Variants in PRR16 observed in about 807,000 individuals in gnomAD.
PRR16 encodes proline rich 16, also known as protein Largen.
A neutral mutation model predicts 18.2 loss-of-function variants in PRR16; 6 were observed. The observed-to-expected ratio is 0.33, with a 90% CI of 0.18 to 0.65. The LOEUF is 0.65. PRR16 is among the 30% of genes least tolerant of loss of function. PRR16 has a pLI of 0.74. For synonymous variants in PRR16, 151 were observed against 147.8 expected (o/e 1.02, Z -0.16); for missense variants, 412 against 376.6 (o/e 1.09, Z -0.78).
chr5:120,783,356 T>A, the PRR16 span, among the ~76,000 whole-genome samples: 1 of 152,242 alleles, frequency 6.6e-6, no homozygotes, highest in East Asian at 1.9e-4. Flanking sequence ...ATCATAGGTA[T>A]TTAATTCTAT....
chr5:120,755,828 C>T, the PRR16 span, among the ~76,000 whole-genome samples: 28 of 151,848 alleles, frequency 1.8e-4, no homozygotes, highest in Admixed American at 1.6e-3. Flanking sequence ...GGAGAAAATG[C>T]ACAAAAAAGC....
intron 1 of PRR16, among the ~76,000 whole-genome samples, chr5:120,680,841 G>A (rs6898545): frequency 0.33 from 50,460 of 152,038 alleles, 8,932 homozygotes; most frequent in East Asian, 0.64. Flanking sequence ...TTCACTTCAC[G>A]TGAATTGCTA....
At chr5:120,785,137 C>A in the PRR16 span, among the ~76,000 whole-genome samples, 3 of 152,210 alleles carry the variant, frequency 2.0e-5, no homozygotes, top group African/African-American at 7.2e-5. Context: ...TAGAATAATA[C>A]AAATATCATA....
intron 1 of PRR16, among the ~76,000 whole-genome samples, chr5:120,557,752 A>G (rs190482469): frequency 6.6e-5 from 10 of 152,072 alleles, no homozygotes; most frequent in Admixed American, 6.6e-4. Flanking sequence ...TTGAAAAAGC[A>G]ATATGAACCA....
downstream of PRR16, among the ~76,000 whole-genome samples, chr5:120,691,370 G>A (rs770815505): frequency 6.6e-6 from 1 of 152,174 alleles, no homozygotes; most frequent in East Asian, 1.9e-4. Context: ...AGGGATTTCA[G>A]GCAATTTAGC....
Position 120,665,632 on chromosome 5 carries a change from G to A in PRR16, c.160-20322G>A, listed in dbSNP as rs910596141. Reference sequence around the variant, plus strand: ...TTTAATCCATCTCGAATTAATTTTTGTGTAAGGTGTAAGGAAGGGATCCAG... The same window carrying A: ...TTTAATCCATCTCGAATTAATTTTTATGTAAGGTGTAAGGAAGGGATCCAG... On this transcript the variant is annotated intron_variant, in intron 1 of 1. Coordinates refer to ENST00000407149, the MANE Select transcript of PRR16 (RefSeq NM_001300783.2). 6.6e-5 allele frequency among the ~76,000 whole-genome samples: 10 copies of A among 152,126 alleles called. No individual in the cohort carries two copies. The South Asian group carries it at 2.1e-3, about 32-fold the overall frequency.
At chr5:120,786,360 C>G in the PRR16 span, among the ~76,000 whole-genome samples, 3 of 151,616 alleles carry the variant, frequency 2.0e-5, no homozygotes, top group South Asian at 6.2e-4. Context: ...AAGAATAAAG[C>G]AGAATGGATA....
At chr5:120,712,790 T>C in the PRR16 span, among the ~76,000 whole-genome samples, 1 of 152,134 alleles carries the variant, frequency 6.6e-6, no homozygotes, top group East Asian at 1.9e-4. Context: ...TTATACTTGG[T>C]TAGCTAGCTA....
the PRR16 span, among the ~76,000 whole-genome samples, chr5:120,727,567 C>T: frequency 2.0e-5 from 3 of 152,070 alleles, no homozygotes; most frequent in African/African-American, 7.2e-5. Flanking sequence ...TGTTTAAACA[C>T]TTGGAAAAAT....
intron 1 of PRR16, among the ~76,000 whole-genome samples, chr5:120,497,455 A>C (rs992488754): frequency 1.6e-5 from 2 of 128,392 alleles, no homozygotes; most frequent in African/African-American, 3.1e-5. Context: ...CAATGGCGTG[A>C]TCTTGGTTCA....
chr5:120,551,125 C>T (rs944785796), intron 1 of PRR16, among the ~76,000 whole-genome samples: 4 of 151,958 alleles, frequency 2.6e-5, no homozygotes, highest in Non-Finnish European at 5.9e-5. Flanking sequence ...AGTTACTGTG[C>T]TGTGCATTAG....
chr5:120,670,742 T>G (rs886930581), intron 1 of PRR16, among the ~76,000 whole-genome samples: 4 of 152,166 alleles, frequency 2.6e-5, no homozygotes, highest in Non-Finnish European at 4.4e-5. Flanking sequence ...CCCTTCATGG[T>G]TGAACCAAAC....
intron 1 of PRR16, among the ~76,000 whole-genome samples, chr5:120,516,132 C>T (rs144775830): frequency 6.6e-6 from 1 of 151,936 alleles, no homozygotes; most frequent in South Asian, 2.1e-4. Flanking sequence ...CCAAACCAAA[C>T]CAAAACAAAA....
At chr5:120,721,797 T>G in the PRR16 span, among the ~76,000 whole-genome samples, 1 of 152,098 alleles carries the variant, frequency 6.6e-6, no homozygotes. Flanking sequence ...AAGTGGCTAT[T>G]ATAGTAATTC....
chr5:120,750,196 T>C, the PRR16 span, among the ~76,000 whole-genome samples: 4 of 152,020 alleles, frequency 2.6e-5, no homozygotes, highest in Non-Finnish European at 4.4e-5. Context: ...CTTGAAAAAA[T>C]ATATTCAGCC....
intron 1 of PRR16, 84 bp from the exon 2 acceptor site, chr5:120,685,870 A>G: frequency 7.2e-7 from 1 of 1,388,190 alleles, no homozygotes; most frequent in Non-Finnish European, 9.8e-7. Flanking sequence ...TCCATAGCAG[A>G]TTTCCCCTAG....
intron 1 of PRR16, among the ~76,000 whole-genome samples, chr5:120,465,151 T>C (rs1749034570): frequency 6.6e-6 from 1 of 152,146 alleles, no homozygotes; most frequent in African/African-American, 2.4e-5. Flanking sequence ...TGGCTCAGAC[T>C]ACCCTCCCTG....
the PRR16 span, among the ~76,000 whole-genome samples, chr5:120,780,099 G>GTTTTT: frequency 6.6e-6 from 1 of 151,910 alleles, no homozygotes; most frequent in African/African-American, 2.4e-5. Flanking sequence ...TTTACAGAAA[G>GTTTTT]GAAAACTGAG....
Position 120,661,783 on chromosome 5 carries a change from C to T in PRR16, c.160-24171C>T, listed in dbSNP as rs539273063. Among the ~76,000 whole-genome samples the T allele has an allele frequency of 1.1e-4, 16 of 152,116 alleles. No homozygotes were observed. The South Asian group carries it at 2.7e-3, about 26-fold the overall frequency. Reference sequence around the variant, plus strand: ...AAGTCTGTATTTCCCCTCTAGATCACGCTACAGTACCCAAGACCCTGGAAT... The same window carrying T: ...AAGTCTGTATTTCCCCTCTAGATCATGCTACAGTACCCAAGACCCTGGAAT... On this transcript the variant is annotated intron_variant, in intron 1 of 1. Coordinates refer to ENST00000407149, the MANE Select transcript of PRR16 (RefSeq NM_001300783.2).
Sources: gnomAD v4.1 joint callset for allele counts (sites outside exome capture counted in the v4.1 genomes callset) on GRCh38, gnomAD v4.1.1 for gene constraint, MANE v1.5 for transcripts, NCBI Gene and HGNC (gene_info 2026-07-23, HGNC 2026-07-21) for gene names.